ACTR3C: variants seen among roughly 807,000 people sequenced by gnomAD.
The protein encoded by ACTR3C is actin-related protein 3C.
ACTR3C carries 18 observed loss-of-function variants against 26.3 expected under a neutral mutation model. The ratio of observed to expected loss-of-function variants is 0.68; its 90% CI spans 0.47 to 1.01. The LOEUF (loss-of-function observed/expected upper bound fraction) is 1.01, where lower values mean the gene tolerates loss of function less well. Ranked by LOEUF, ACTR3C falls within the 50% of genes least tolerant of loss-of-function variation. The probability of loss-of-function intolerance (pLI) is 0.00; values close to 1 mark genes in which losing one functional copy is unlikely to be tolerated. For synonymous variants in ACTR3C, 55 were observed against 94.5 expected, an observed-to-expected ratio of 0.58 and a Z score of 2.42; for missense variants, 184 against 250.7, an observed-to-expected ratio of 0.73 and a Z score of 1.80.
At chr7:150,042,391 G>A in the ACTR3C span, among the ~76,000 whole-genome samples, 1 of 145,794 alleles carries the variant, frequency 6.9e-6, no homozygotes, top group Non-Finnish European at 1.5e-5. Context: ...AAGGGGGGAA[G>A]AGGGGCTCGC....
the ACTR3C span, among the ~76,000 whole-genome samples, chr7:150,013,585 C>T: frequency 1.3e-5 from 2 of 152,358 alleles, no homozygotes; most frequent in African/African-American, 4.8e-5. Flanking sequence ...TGGCCGTTCC[C>T]TCCTCAGGGC....
intron 1 of ACTR3C, among the ~76,000 whole-genome samples, chr7:150,299,479 AAAAAAAAAAAAAAAAC>A (rs1444889744): frequency 8.8e-5 from 13 of 147,328 alleles, no homozygotes; most frequent in Middle Eastern, 3.5e-3. Flanking sequence ...AAAAAAAAAA[AAAAAAAAAAAAAAAAC>A]AAAAAACAGG....
At chr7:150,058,548 A>C in the ACTR3C span, among the ~76,000 whole-genome samples, 1 of 152,064 alleles carries the variant, frequency 6.6e-6, no homozygotes, top group East Asian at 1.9e-4. Context: ...TGCCAACATC[A>C]CTTCCTCCTG....
chr7:149,935,714 C>T, the ACTR3C span, among the ~76,000 whole-genome samples: 1 of 143,926 alleles, frequency 6.9e-6, no homozygotes, highest in Non-Finnish European at 1.5e-5. Context: ...AATCATGTTA[C>T]CCTAAACATA....
the ACTR3C span, among the ~76,000 whole-genome samples, chr7:149,954,363 A>C: frequency 6.6e-6 from 1 of 152,200 alleles, no homozygotes; most frequent in East Asian, 1.9e-4. Context: ...AAATGGTTTG[A>C]TACTTTGTAG....
At chr7:150,068,124 TTTTTTA>T in the ACTR3C span, among the ~76,000 whole-genome samples, 1 of 152,178 alleles carries the variant, frequency 6.6e-6, no homozygotes, top group East Asian at 1.9e-4. Flanking sequence ...AGGAGTTAGA[TTTTTTA>T]TTTTTAAAGA....
At chr7:150,088,263 G>A in the ACTR3C span, among the ~76,000 whole-genome samples, 88 of 152,274 alleles carry the variant, frequency 5.8e-4, 1 homozygote, top group African/African-American at 2.1e-3. Flanking sequence ...CCTAATCCAA[G>A]CTAAGTATTG....
the ACTR3C span, among the ~76,000 whole-genome samples, chr7:149,991,389 G>A: frequency 6.6e-6 from 1 of 152,178 alleles, no homozygotes; most frequent in East Asian, 1.9e-4. Context: ...ACCTCAAACT[G>A]GGCTGTGGTG....
chr7:150,200,240 T>C, the ACTR3C span, among the ~76,000 whole-genome samples: 1 of 152,202 alleles, frequency 6.6e-6, no homozygotes, highest in Admixed American at 6.5e-5. Flanking sequence ...AGAATTAACC[T>C]ATTAGATTCA....
chr7:150,085,296 C>T, the ACTR3C span, among the ~76,000 whole-genome samples: 1 of 152,084 alleles, frequency 6.6e-6, no homozygotes, highest in Non-Finnish European at 1.5e-5. Context: ...AGAAGCTCAT[C>T]CAGGAATACA....
intron 5 of ACTR3C, 97 bp downstream of exon 5, chr7:150,286,270 G>C: frequency 7.1e-7 from 1 of 1,404,622 alleles, no homozygotes; most frequent in Non-Finnish European, 9.6e-7. Flanking sequence ...CGGCCACCCT[G>C]CTCACAGGCC....
At chr7:150,036,934 C>A in the ACTR3C span, among the ~76,000 whole-genome samples, 1 of 102,228 alleles carries the variant, frequency 9.8e-6, no homozygotes, top group Non-Finnish European at 2.3e-5. Flanking sequence ...GATGGGGGTC[C>A]TAAGAGCCAG....
chr7:150,159,418 A>G, the ACTR3C span, among the ~76,000 whole-genome samples: 3 of 152,200 alleles, frequency 2.0e-5, no homozygotes, highest in Non-Finnish European at 4.4e-5. Context: ...CGTGGAAGGA[A>G]TCAATACTGG....
intron 6 of ACTR3C, among the ~76,000 whole-genome samples, chr7:150,261,679 G>A (rs2533280): frequency 5.3e-5 from 8 of 150,348 alleles, no homozygotes; most frequent in African/African-American, 2.0e-4. Flanking sequence ...TCCAGCCTGG[G>A]CAACAGAGCA....
At chr7:150,290,544 A>T (rs28590257) in intron 3 of ACTR3C, among the ~76,000 whole-genome samples, 6 of 151,702 alleles carry the variant, frequency 4.0e-5, no homozygotes, top group African/African-American at 1.5e-4. Context: ...CAGTCCCCAA[A>T]TGAGACAGAA....
chr7:149,949,344 C>T, the ACTR3C span, among the ~76,000 whole-genome samples: 1 of 144,350 alleles, frequency 6.9e-6, no homozygotes, highest in Non-Finnish European at 1.5e-5. Context: ...CCATTGCACT[C>T]CAGTTTGAGC....
the ACTR3C span, among the ~76,000 whole-genome samples, chr7:150,083,447 G>T: frequency 1.3e-5 from 2 of 152,006 alleles, no homozygotes; most frequent in Non-Finnish European, 2.9e-5. Flanking sequence ...ACATGCTGTG[G>T]TCCCAGTTAC....
At chr7:150,046,635 G>A in the ACTR3C span, among the ~76,000 whole-genome samples, 1 of 138,278 alleles carries the variant, frequency 7.2e-6, no homozygotes, top group Non-Finnish European at 1.5e-5. Context: ...CTGTTTCTCT[G>A]AGAGCCTGTC....
chr7:150,176,460 A>C, the ACTR3C span, among the ~76,000 whole-genome samples: 4 of 150,976 alleles, frequency 2.6e-5, no homozygotes, highest in African/African-American at 7.5e-5. Context: ...TGAGCTTTAT[A>C]ACACTATCAG....
Sources: allele counts gnomAD v4.1 joint callset (sites outside exome capture counted in the v4.1 genomes callset), GRCh38; gene constraint gnomAD v4.1.1; transcripts MANE v1.5; gene names NCBI Gene and HGNC (gene_info 2026-07-23, HGNC 2026-07-21).